The following SNTG2 variants were observed in gnomAD, a reference collection of about 807,000 sequenced individuals.
SNTG2 encodes syntrophin gamma 2, also known as gamma-2-syntrophin.
In SNTG2, 74 loss-of-function variants were observed where a neutral mutation model predicts 70.9. The observed-to-expected ratio is 1.04, with a 90% CI of 0.86 to 1.27. The LOEUF is 1.27. SNTG2 is among the 50% of genes most tolerant of loss of function. The probability of loss-of-function intolerance (pLI) is 0.00; values close to 1 mark genes in which losing one functional copy is unlikely to be tolerated. For synonymous variants in SNTG2, 278 were observed against 273.8 expected (o/e 1.02, Z -0.15); for missense variants, 717 against 690.7 (o/e 1.04, Z -0.43).
chr2:1,150,630 C>T (rs62105990), intron 6 of SNTG2, among the ~76,000 whole-genome samples: 142,488 of 152,106 alleles, frequency 0.94, 66,865 homozygotes, highest in Non-Finnish European at 0.97. Flanking sequence ...ATTCAGTTGA[C>T]AAAAGTAAAG....
chr2:1,211,987 A>G (rs2148000395), intron 9 of SNTG2, among the ~76,000 whole-genome samples: 1 of 152,316 alleles, frequency 6.6e-6, no homozygotes, highest in South Asian at 2.1e-4. Context: ...CATGACATCC[A>G]GGAGAATGAA....
At chr2:959,635 A>G (rs765741676) in intron 1 of SNTG2, among the ~76,000 whole-genome samples, 6 of 150,792 alleles carry the variant, frequency 4.0e-5, no homozygotes, top group Non-Finnish European at 7.4e-5. Flanking sequence ...CTTGGGCTGA[A>G]TGGAGAAGGT....
intron 16 of SNTG2, among the ~76,000 whole-genome samples, chr2:1,319,223 C>T (rs1681418496): frequency 6.6e-6 from 1 of 152,136 alleles, no homozygotes; most frequent in Non-Finnish European, 1.5e-5. Flanking sequence ...CCTTGTGATG[C>T]TTTGTTTGGA....
intron 12 of SNTG2, among the ~76,000 whole-genome samples, chr2:1,253,728 G>A (rs1402088049): frequency 6.6e-6 from 1 of 152,136 alleles, no homozygotes. Flanking sequence ...AAAGAAAAGA[G>A]GGTTAATTGG....
chr2:988,201 G>A (rs55677710), intron 1 of SNTG2, among the ~76,000 whole-genome samples: 13,231 of 152,288 alleles, frequency 0.087, 759 homozygotes, highest in South Asian at 0.21. Context: ...ATGGGGGACC[G>A]AGGCGTGGAC....
At chr2:1,280,979 A>G (rs1249273776) in intron 14 of SNTG2, among the ~76,000 whole-genome samples, 1 of 152,226 alleles carries the variant, frequency 6.6e-6, no homozygotes, top group East Asian at 1.9e-4. Context: ...CTCATGGGAA[A>G]GGCCTACTGG....
At chr2:1,275,365 T>C (rs868862519) in intron 14 of SNTG2, among the ~76,000 whole-genome samples, 13 of 152,254 alleles carry the variant, frequency 8.5e-5, no homozygotes, top group Admixed American at 4.6e-4. Flanking sequence ...TCACTGCCAT[T>C]TTTCCAGCAG....
intron 9 of SNTG2, among the ~76,000 whole-genome samples, chr2:1,235,308 G>GA (rs1317023808): frequency 1.3e-4 from 7 of 52,556 alleles, no homozygotes; most frequent in Admixed American, 3.4e-4. Context: ...TGAGAGGGGG[G>GA]CCCCTGCCCC....
chr2:1,059,589 C>CA (rs1662682410), intron 1 of SNTG2, among the ~76,000 whole-genome samples: 2 of 152,146 alleles, frequency 1.3e-5, no homozygotes, highest in African/African-American at 4.8e-5. Context: ...CATCTAAATA[C>CA]GTTTTTTTAT....
intron 1 of SNTG2, among the ~76,000 whole-genome samples, chr2:958,227 C>T (rs1039676296): frequency 6.6e-6 from 1 of 151,982 alleles, no homozygotes; most frequent in Non-Finnish European, 1.5e-5. Flanking sequence ...GAGAAATGGC[C>T]CCAAATGCGT....
chr2:1,099,589 CA>C (rs1665629422), intron 4 of SNTG2, among the ~76,000 whole-genome samples: 1 of 140,828 alleles, frequency 7.1e-6, no homozygotes, highest in African/African-American at 2.8e-5. Context: ...AAGGTGGGTG[CA>C]GTGAGGGCAG....
At chr2:1,038,522 G>A (rs1178689752) in intron 1 of SNTG2, among the ~76,000 whole-genome samples, 1 of 152,130 alleles carries the variant, frequency 6.6e-6, no homozygotes, top group East Asian at 1.9e-4. Flanking sequence ...TTTTGTTCAT[G>A]TTTGGCAGCA....
At chr2:993,086 TTA>T (rs1491313516) in intron 1 of SNTG2, among the ~76,000 whole-genome samples, 9 of 144,464 alleles carry the variant, frequency 6.2e-5, no homozygotes, top group South Asian at 2.3e-4. Flanking sequence ...TTTTTTTTTT[TTA>T]TTATACTCTA....
At chr2:1,130,875 A>G (rs1024976329) in intron 4 of SNTG2, among the ~76,000 whole-genome samples, 4 of 152,188 alleles carry the variant, frequency 2.6e-5, no homozygotes, top group Non-Finnish European at 5.9e-5. Flanking sequence ...GGCACTGTCA[A>G]TTTAGAGTTT....
At chr2:1,116,328 G>C (rs1449911943) in intron 4 of SNTG2, among the ~76,000 whole-genome samples, 1 of 152,238 alleles carries the variant, frequency 6.6e-6, no homozygotes, top group East Asian at 1.9e-4. Context: ...AACAGAAGCT[G>C]CCAGGGAAGC....
intron 1 of SNTG2, among the ~76,000 whole-genome samples, chr2:1,012,248 G>A (rs895681444): frequency 6.6e-6 from 1 of 152,334 alleles, no homozygotes; most frequent in South Asian, 2.1e-4. Context: ...CCAGGGACTT[G>A]CCATGGAGCT....
rs375471988 is a variant in SNTG2 at position 1,145,562 on chromosome 2, A to T, written c.411+7753A>T. On this transcript the variant is annotated intron_variant, in intron 6 of 16. Coordinates refer to ENST00000308624, the MANE Select transcript of SNTG2 (RefSeq NM_018968.4). ...TATTAAATGAATTAAATCAATAGTT[A>T]ATAACTTTCTCAAACAGAAAGTGCC... 2.6e-3 allele frequency among the ~76,000 whole-genome samples: 399 copies of T among 152,350 alleles called. 9 individuals are homozygous for T. In the South Asian group the frequency reaches 0.04, roughly 15 times the overall value.
intron 9 of SNTG2, among the ~76,000 whole-genome samples, chr2:1,234,237 C>T (rs1012897236): frequency 6.6e-6 from 1 of 152,140 alleles, no homozygotes; most frequent in African/African-American, 2.4e-5. Context: ...AAGCAGATTG[C>T]GTGACTTACA....
intron 4 of SNTG2, among the ~76,000 whole-genome samples, chr2:1,106,281 ATGTGTGCTGT>A (rs1666142175): frequency 8.6e-6 from 1 of 115,684 alleles, no homozygotes; most frequent in African/African-American, 3.4e-5. Context: ...GTAATAGTGG[ATGTGTGCTGT>A]CACTCGGGTG....
Sources: gnomAD v4.1 joint callset for allele counts (sites outside exome capture counted in the v4.1 genomes callset) on GRCh38, gnomAD v4.1.1 for gene constraint, MANE v1.5 for transcripts, NCBI Gene and HGNC (gene_info 2026-07-23, HGNC 2026-07-21) for gene names.